IL1RAPL1: variants seen among roughly 807,000 people sequenced by gnomAD.
IL1RAPL1 encodes the protein interleukin 1 receptor accessory protein like 1.
IL1RAPL1 carries 3 observed loss-of-function variants against 48.4 expected under a neutral mutation model. The observed-to-expected ratio is 0.06, with a 90% CI of 0.03 to 0.16. The LOEUF (loss-of-function observed/expected upper bound fraction) is 0.16, where lower values mean the gene tolerates loss of function less well. Among genes scored for constraint, IL1RAPL1 ranks in the 10% least tolerant of loss-of-function variants. The pLI is 1.00. For missense variants in IL1RAPL1, 349 were observed against 530.6 expected (o/e 0.66, Z 3.36); for synonymous variants, 185 against 187.7 (o/e 0.99, Z 0.12).
chrX:29,882,257 T>C (rs1932047716), intron 6 of IL1RAPL1, among the ~76,000 whole-genome samples: 1 of 111,771 alleles, frequency 8.9e-6, no homozygotes, highest in African/African-American at 3.2e-5. Flanking sequence ...ACACTCACAT[T>C]ACTGCTGCTA....
intron 6 of IL1RAPL1, among the ~76,000 whole-genome samples, chrX:29,911,794 A>C (rs1470061170): frequency 8.9e-6 from 1 of 112,105 alleles, no homozygotes; most frequent in Non-Finnish European, 1.9e-5. Context: ...TCCCTGTCAC[A>C]TTTTAAGTAC....
At chrX:29,756,254 A>AT (rs1292358947) in intron 6 of IL1RAPL1, among the ~76,000 whole-genome samples, 6 of 111,877 alleles carry the variant, frequency 5.4e-5, no homozygotes, top group Admixed American at 1.9e-4. Flanking sequence ...TATACAGTTA[A>AT]TTCATCTATA....
intron 2 of IL1RAPL1, among the ~76,000 whole-genome samples, chrX:28,939,463 T>C (rs1924109486): frequency 9.0e-6 from 1 of 110,745 alleles, no homozygotes; most frequent in African/African-American, 3.3e-5. Flanking sequence ...TTTTCACTTA[T>C]AAGTGAGAGT....
At chrX:29,472,540 AC>A (rs1040775932) in intron 5 of IL1RAPL1, among the ~76,000 whole-genome samples, 5 of 112,001 alleles carry the variant, frequency 4.5e-5, no homozygotes, top group Non-Finnish European at 9.4e-5. Flanking sequence ...TAACCATCTT[AC>A]ATTTTTTTAT....
intron 2 of IL1RAPL1, among the ~76,000 whole-genome samples, chrX:29,000,440 T>G (rs991162740): frequency 8.9e-6 from 1 of 112,194 alleles, no homozygotes. Context: ...CTATGCTCCT[T>G]GAATACAGGT....
chrX:29,424,935 T>G (rs1934333013), intron 5 of IL1RAPL1, among the ~76,000 whole-genome samples: 1 of 112,150 alleles, frequency 8.9e-6, no homozygotes, highest in South Asian at 3.7e-4. Context: ...CATTTAATCT[T>G]CACAGTCATC....
chrX:29,650,647 G>A (rs1162549965), intron 5 of IL1RAPL1, among the ~76,000 whole-genome samples: 1 of 110,482 alleles, frequency 9.1e-6, no homozygotes, highest in African/African-American at 3.3e-5. Flanking sequence ...AAAGACAAAG[G>A]TAAGACCCAC....
chrX:29,753,362 C>T (rs750033051), intron 6 of IL1RAPL1, among the ~76,000 whole-genome samples: 177 of 111,559 alleles, frequency 1.6e-3, no homozygotes, highest in Non-Finnish European at 2.6e-3. Context: ...TGTAGGCATA[C>T]ACTCACCCAA....
At chrX:29,398,384 C>T (rs1184136928) in intron 4 of IL1RAPL1, among the ~76,000 whole-genome samples, 1 of 112,096 alleles carries the variant, frequency 8.9e-6, no homozygotes, top group East Asian at 2.8e-4. Flanking sequence ...ATTTTATCCT[C>T]GTTCCATTGA....
intron 6 of IL1RAPL1, among the ~76,000 whole-genome samples, chrX:29,741,759 A>G (rs1928203892): frequency 9.3e-6 from 1 of 107,627 alleles, no homozygotes; most frequent in African/African-American, 3.4e-5. Flanking sequence ...CGTCTCTACT[A>G]AAAATACAAA....
chrX:29,765,245 CTTT>C (rs68094158), intron 6 of IL1RAPL1, among the ~76,000 whole-genome samples: 5,009 of 81,613 alleles, frequency 0.061, 133 homozygotes, highest in Middle Eastern at 0.28. Context: ...TAGTTCTAGG[CTTT>C]TTTTTTTTTT....
At chrX:28,985,652 A>G (rs1307145455) in intron 2 of IL1RAPL1, among the ~76,000 whole-genome samples, 1 of 107,241 alleles carries the variant, frequency 9.3e-6, no homozygotes, top group Non-Finnish European at 1.9e-5. Flanking sequence ...TTACCTAACG[A>G]GCACATTTTT....
chrX:29,929,108 A>G (rs1052606175), intron 8 of IL1RAPL1, among the ~76,000 whole-genome samples: 1 of 112,268 alleles, frequency 8.9e-6, no homozygotes, highest in Non-Finnish European at 1.9e-5. Flanking sequence ...TGCTATAAAA[A>G]TAGAATTTAT....
At chrX:29,753,696 G>A (rs763778947) in intron 6 of IL1RAPL1, among the ~76,000 whole-genome samples, 1 of 111,563 alleles carries the variant, frequency 9.0e-6, no homozygotes, top group African/African-American at 3.3e-5. Flanking sequence ...ATTTATTCTA[G>A]GTCCAATGAT....
chrX:29,025,269 G>T (rs768299226), intron 2 of IL1RAPL1, among the ~76,000 whole-genome samples: 4 of 112,129 alleles, frequency 3.6e-5, no homozygotes, highest in Admixed American at 2.8e-4. Context: ...GAACGTTAAT[G>T]TCCAAGTGTG....
intron 6 of IL1RAPL1, among the ~76,000 whole-genome samples, chrX:29,902,651 C>T (rs1932517550): frequency 9.1e-6 from 1 of 110,374 alleles, no homozygotes; most frequent in Non-Finnish European, 1.9e-5. Context: ...AGTAATACTA[C>T]TACTAATAAT....
intron 2 of IL1RAPL1, among the ~76,000 whole-genome samples, chrX:29,052,861 C>A (rs1452221793): frequency 2.7e-5 from 3 of 111,015 alleles, no homozygotes; most frequent in Non-Finnish European, 5.7e-5. Flanking sequence ...TTAGTAGAGA[C>A]AGGGTTTCTC....
At chrX:29,551,738 C>T (rs748877890) in intron 5 of IL1RAPL1, among the ~76,000 whole-genome samples, 1 of 110,847 alleles carries the variant, frequency 9.0e-6, no homozygotes, top group Non-Finnish European at 1.9e-5. Context: ...GGCACTTTGA[C>T]ATGTTGGACT....
chrX:29,310,110 A>C (rs112345123), intron 3 of IL1RAPL1, among the ~76,000 whole-genome samples: 1 of 85,985 alleles, frequency 1.2e-5, no homozygotes, highest in Non-Finnish European at 2.1e-5. Context: ...AAAAAAAAAA[A>C]AAAAAAAAAA....
Sources: gnomAD v4.1 joint callset for allele counts (sites outside exome capture counted in the v4.1 genomes callset) on GRCh38, gnomAD v4.1.1 for gene constraint, MANE v1.5 for transcripts, NCBI Gene and HGNC (gene_info 2026-07-23, HGNC 2026-07-21) for gene names.